Variants in TDRD12 observed in about 807,000 individuals in gnomAD.
The protein encoded by TDRD12 is putative ATP-dependent RNA helicase TDRD12.
A neutral mutation model predicts 133.5 loss-of-function variants in TDRD12; 158 were observed. The observed-to-expected ratio is 1.18, with a 90% CI of 1.04 to 1.35. The LOEUF is 1.35. TDRD12 is among the 40% of genes most tolerant of loss of function. The probability of loss-of-function intolerance (pLI) is 0.00; values close to 1 mark genes in which losing one functional copy is unlikely to be tolerated. For synonymous variants in TDRD12, 460 were observed against 477.9 expected (o/e 0.96, Z 0.49); for missense variants, 1,443 against 1,321.3 (o/e 1.09, Z -1.43).
chr19:32,802,351 G>A (rs1184647968), intron 19 of TDRD12, among the ~76,000 whole-genome samples: 1 of 150,440 alleles, frequency 6.6e-6, no homozygotes. Flanking sequence ...ATATAGTCAT[G>A]CATGATTGCT....
intron 14 of TDRD12, among the ~76,000 whole-genome samples, chr19:32,795,093 G>T (rs918688135): frequency 3.3e-5 from 5 of 152,134 alleles, no homozygotes; most frequent in Non-Finnish European, 7.4e-5. Context: ...CCAGCACTTT[G>T]GGAGGCCGAG....
At chr19:32,760,344 CCCTTT>C (rs1332145099) in intron 8 of TDRD12, among the ~76,000 whole-genome samples, 2 of 152,154 alleles carry the variant, frequency 1.3e-5, no homozygotes, top group African/African-American at 2.4e-5. Flanking sequence ...GTATAGATTT[CCCTTT>C]CCTTTAATTA....
intron 17 of TDRD12, 57 bp from the exon 18 acceptor site, chr19:32,800,587 G>T (rs1971359033): frequency 7.0e-7 from 1 of 1,428,702 alleles, no homozygotes; most frequent in African/African-American, 1.4e-5. Flanking sequence ...TGTGGAAAGT[G>T]GATCTGGAGC....
chr19:32,821,403 T>TGC, downstream of TDRD12: 2 of 172,528 alleles, frequency 1.2e-5, no homozygotes, highest in Admixed American at 8.3e-5. Flanking sequence ...TGTGTGTGTG[T>TGC]GTGTGTGCGT....
chr19:32,799,549 TGGTA>T (rs1971325455), intron 16 of TDRD12, among the ~76,000 whole-genome samples: 1 of 152,166 alleles, frequency 6.6e-6, no homozygotes, highest in South Asian at 2.1e-4. Context: ...TATTTTCTGT[TGGTA>T]GGATCATCTT....
intron 8 of TDRD12, among the ~76,000 whole-genome samples, chr19:32,757,826 G>A (rs1205810255): frequency 6.6e-6 from 1 of 152,212 alleles, no homozygotes; most frequent in South Asian, 2.1e-4. Context: ...ATACCTGTGG[G>A]TGTAATATTT....
At chr19:32,788,663 C>G (rs1007299240) in intron 11 of TDRD12, among the ~76,000 whole-genome samples, 2 of 152,054 alleles carry the variant, frequency 1.3e-5, no homozygotes, top group African/African-American at 4.8e-5. Context: ...GTGCATTACT[C>G]GGTTTTTAAG....
At chr19:32,773,757 C>T (rs1970503384) in intron 10 of TDRD12, among the ~76,000 whole-genome samples, 2 of 152,094 alleles carry the variant, frequency 1.3e-5, no homozygotes, top group Non-Finnish European at 2.9e-5. Context: ...GTGATGTTGT[C>T]TTATACAGTG....
At chr19:32,747,517 A>G (rs1314135064) in intron 4 of TDRD12, among the ~76,000 whole-genome samples, 1 of 152,242 alleles carries the variant, frequency 6.6e-6, no homozygotes, top group East Asian at 1.9e-4. Flanking sequence ...AAATCAGAAG[A>G]AACATAGAAC....
chr19:32,819,493 C>A (rs774563075), intron 27 of TDRD12, among the ~76,000 whole-genome samples: 5 of 152,008 alleles, frequency 3.3e-5, no homozygotes, highest in Non-Finnish European at 7.4e-5. Flanking sequence ...TGTCATTAAA[C>A]TTTAGTAGAT....
At chr19:32,756,272 A>G in intron 7 of TDRD12, 91 bp downstream of exon 7, 2 of 1,102,168 alleles carry the variant, frequency 1.8e-6, no homozygotes, top group African/African-American at 1.7e-5. Context: ...TTTTCCCCAC[A>G]TGGAGACAAA....
chr19:32,748,439 T>A (rs1568457125), intron 4 of TDRD12, 37 bp from the exon 5 acceptor site: 1 of 1,543,696 alleles, frequency 6.5e-7, no homozygotes, highest in South Asian at 1.2e-5. Context: ...AGCCTCAGAT[T>A]TTTATGTAAT....
chr19:32,827,580 A>T (rs1450703197), exon 10 of TDRD12: 1 of 157,866 alleles, frequency 6.3e-6, no homozygotes, highest in East Asian at 1.8e-4. Flanking sequence ...GGGTTTCACC[A>T]TGTTGGACAG....
chr19:32,721,015 C>G (rs952569456), intron 1 of TDRD12, among the ~76,000 whole-genome samples: 1 of 152,024 alleles, frequency 6.6e-6, no homozygotes, highest in South Asian at 2.1e-4. Flanking sequence ...CCGTACTCCA[C>G]GGGGCCCTTA....
intron 7 of TDRD12, 21 bp from the exon 8 acceptor site, chr19:32,757,017 G>A: frequency 6.5e-7 from 1 of 1,540,624 alleles, no homozygotes; most frequent in Non-Finnish European, 8.8e-7. Flanking sequence ...CTTTAATTCT[G>A]AAATTTATTC....
chr19:32,730,945 G>A (rs757985270), intron 1 of TDRD12, among the ~76,000 whole-genome samples: 6 of 152,164 alleles, frequency 3.9e-5, no homozygotes, highest in Non-Finnish European at 1.5e-5. Flanking sequence ...AACCCAGGAG[G>A]TGGAGGTTGC....
intron 16 of TDRD12, among the ~76,000 whole-genome samples, chr19:32,799,728 C>CTTTTTTTTTTTTTTTTTTTT (rs71176153): frequency 6.4e-5 from 5 of 78,436 alleles, no homozygotes; most frequent in Non-Finnish European, 6.9e-5. Flanking sequence ...TAGTTTTTGC[C>CTTTTTTTTTTTTTTTTTTTT]TTTTTTTTTT....
chr19:32,764,882 A>T (rs957538809), intron 8 of TDRD12, among the ~76,000 whole-genome samples: 15 of 151,764 alleles, frequency 9.9e-5, no homozygotes, highest in Non-Finnish European at 1.5e-5. Context: ...GCCAAAATTG[A>T]CAAATGGGAT....
At chr19:32,794,563 A>T (rs1199482271) in intron 13 of TDRD12, 65 bp from the exon 14 acceptor site, 1 of 675,958 alleles carries the variant, frequency 1.5e-6, no homozygotes. Flanking sequence ...GAAATGAGCC[A>T]TGCAATGGAG....
Sources: gnomAD v4.1 joint callset for allele counts (sites outside exome capture counted in the v4.1 genomes callset) on GRCh38, gnomAD v4.1.1 for gene constraint, MANE v1.5 for transcripts, NCBI Gene and HGNC (gene_info 2026-07-23, HGNC 2026-07-21) for gene names.